The following RASEF variants were observed in gnomAD, a reference collection of about 807,000 sequenced individuals.
RASEF encodes ras and EF-hand domain-containing protein.
RASEF carries 68 observed loss-of-function variants against 90.1 expected under a neutral mutation model. That is an observed-to-expected ratio of 0.75 (90% CI 0.62 to 0.92). RASEF has a LOEUF of 0.92. Ranked by LOEUF, RASEF falls within the 40% of genes least tolerant of loss-of-function variation. The probability of loss-of-function intolerance (pLI) is 0.00; values close to 1 mark genes in which losing one functional copy is unlikely to be tolerated. For missense variants in RASEF, 949 were observed against 937.2 expected, an observed-to-expected ratio of 1.01 and a Z score of -0.16; for synonymous variants, 331 against 345.2, an observed-to-expected ratio of 0.96 and a Z score of 0.46.
At chr9:83,175,339 T>C in the RASEF span, among the ~76,000 whole-genome samples, 3 of 152,196 alleles carry the variant, frequency 2.0e-5, no homozygotes, top group Non-Finnish European at 4.4e-5. Flanking sequence ...TTATCAGTTG[T>C]TTTTCTGCAT....
chr9:83,116,691 G>C, the RASEF span, among the ~76,000 whole-genome samples: 1 of 152,070 alleles, frequency 6.6e-6, no homozygotes, highest in Non-Finnish European at 1.5e-5. Flanking sequence ...AGTTATCTGA[G>C]GCTCAGAAAA....
chr9:83,210,556 T>C, the RASEF span, among the ~76,000 whole-genome samples: 1 of 152,206 alleles, frequency 6.6e-6, no homozygotes, highest in African/African-American at 2.4e-5. Flanking sequence ...TGTAGTATCA[T>C]CTACCATATC....
At chr9:83,197,400 A>G in the RASEF span, among the ~76,000 whole-genome samples, 1 of 152,200 alleles carries the variant, frequency 6.6e-6, no homozygotes, top group Admixed American at 6.5e-5. Context: ...AAGCTCACTG[A>G]GGCCCTGCTA....
chr9:83,074,261 A>G, the RASEF span, among the ~76,000 whole-genome samples: 1 of 152,226 alleles, frequency 6.6e-6, no homozygotes, highest in Non-Finnish European at 1.5e-5. Flanking sequence ...GATACAGCTG[A>G]GCCTGGATTC....
At chr9:83,194,590 T>G in the RASEF span, among the ~76,000 whole-genome samples, 1 of 152,158 alleles carries the variant, frequency 6.6e-6, no homozygotes, top group African/African-American at 2.4e-5. Flanking sequence ...CACACTCAAA[T>G]CAGAAAGAAG....
In RASEF at chr9:82,998,346, C is replaced by T. The variant is rs376123293; in HGVS notation, c.1805+19G>A. ...AATGCAAACCCAGGATATCCCATAG[C>T]GCTGCGGAATGCACTTGCCTCTCCT... is the stretch of plus-strand genomic sequence containing the variant. On this transcript the variant is annotated intron_variant, in intron 13 of 16. Transcript: ENST00000376447. 29 of 1,554,486 alleles carry T rather than the reference C, an allele frequency of 1.9e-5. No homozygotes were observed. The highest frequency in any genetic ancestry group is 1.1e-4 in the East Asian group (5 of 44,610).
At chr9:83,167,623 C>T in the RASEF span, among the ~76,000 whole-genome samples, 4,558 of 152,180 alleles carry the variant, frequency 0.03, 203 homozygotes, top group African/African-American at 0.098. Context: ...AATTTTGGAA[C>T]ATTTTTATCA....
the RASEF span, among the ~76,000 whole-genome samples, chr9:83,156,492 C>A: frequency 6.6e-6 from 1 of 152,138 alleles, no homozygotes; most frequent in Non-Finnish European, 1.5e-5. Context: ...CTCTTCTTTC[C>A]TAATTACACT....
the RASEF span, among the ~76,000 whole-genome samples, chr9:83,153,555 C>G: frequency 1.3e-3 from 195 of 152,296 alleles, no homozygotes; most frequent in African/African-American, 4.6e-3. Flanking sequence ...CATGGCGACC[C>G]TGAGCTGCCT....
chr9:83,199,547 G>A, the RASEF span, among the ~76,000 whole-genome samples: 1 of 152,144 alleles, frequency 6.6e-6, no homozygotes, highest in African/African-American at 2.4e-5. Flanking sequence ...CAGGTGACAC[G>A]CCAACAAAAT....
Position 83,015,915 on chromosome 9 carries a change from A to T in RASEF, c.670-15T>A, listed in dbSNP as rs763662956. On this transcript the variant is annotated splice_polypyrimidine_tract_variant and intron_variant, in intron 3 of 16. Transcript: ENST00000376447. ...TTGCGTTTTTCCTAAAAGAAAAAAA[A>T]ATATGTTGTTCATTTAAATAAGTTC... 3.1e-6 allele frequency: 5 copies of T among 1,588,866 alleles called. No individual in the cohort carries two copies. The East Asian group carries it at 6.7e-5, about 21-fold the overall frequency.
At chr9:83,042,583 TAAAC>T (rs1173092797) in intron 1 of RASEF, among the ~76,000 whole-genome samples, 4 of 152,062 alleles carry the variant, frequency 2.6e-5, no homozygotes, top group East Asian at 3.9e-4. Flanking sequence ...ATCTCCAAAA[TAAAC>T]AAAATTGAAA....
At chr9:83,024,702 C>T (rs1829509780) in intron 2 of RASEF, among the ~76,000 whole-genome samples, 4 of 152,142 alleles carry the variant, frequency 2.6e-5, no homozygotes, top group African/African-American at 9.7e-5. Context: ...GGCTTGACTC[C>T]AGGACGATAA....
intron 16 of RASEF, among the ~76,000 whole-genome samples, chr9:82,989,285 C>T (rs1828771051): frequency 6.6e-6 from 1 of 151,914 alleles, no homozygotes; most frequent in African/African-American, 2.4e-5. Context: ...CACTATGTTG[C>T]CCAGGCTAGT....
the RASEF span, among the ~76,000 whole-genome samples, chr9:83,179,372 C>T: frequency 0.014 from 2,135 of 152,286 alleles, 24 homozygotes; most frequent in Admixed American, 0.023. Context: ...ACACCCTACC[C>T]TCTAGTCCCA....
At chr9:83,025,685 T>C in intron 2 of RASEF, 90 bp downstream of exon 2, 1 of 1,285,648 alleles carries the variant, frequency 7.8e-7, no homozygotes, top group Non-Finnish European at 1.1e-6. Flanking sequence ...TATATCATAG[T>C]GTGACAATGC....
chr9:83,147,845 G>C, the RASEF span, among the ~76,000 whole-genome samples: 1 of 152,030 alleles, frequency 6.6e-6, no homozygotes, highest in African/African-American at 2.4e-5. Flanking sequence ...GGAGTGGGAA[G>C]ATGATCTTCC....
chr9:83,044,654 G>C (rs1251471171), intron 1 of RASEF, among the ~76,000 whole-genome samples: 2 of 152,254 alleles, frequency 1.3e-5, no homozygotes, highest in African/African-American at 4.8e-5. Flanking sequence ...TTACTTACAA[G>C]CTAGAAGCAT....
At chr9:83,177,052 T>A in the RASEF span, among the ~76,000 whole-genome samples, 1 of 152,168 alleles carries the variant, frequency 6.6e-6, no homozygotes, top group Non-Finnish European at 1.5e-5. Flanking sequence ...TCTGTGCTTT[T>A]ATTAGTAAAC....
Sources: gnomAD v4.1 joint callset for allele counts (sites outside exome capture counted in the v4.1 genomes callset) on GRCh38, gnomAD v4.1.1 for gene constraint, MANE v1.5 for transcripts, NCBI Gene and HGNC (gene_info 2026-07-23, HGNC 2026-07-21) for gene names.